Variants in ANP32B observed in about 807,000 individuals in gnomAD.
ANP32B encodes the protein acidic nuclear phosphoprotein 32 family member B.
ANP32B carries 6 observed loss-of-function variants against 32.2 expected under a neutral mutation model. The observed-to-expected ratio is 0.19, with a 90% confidence interval of 0.10 to 0.37. The LOEUF (loss-of-function observed/expected upper bound fraction) is 0.37, where lower values mean the gene tolerates loss of function less well. Among genes scored for constraint, ANP32B ranks in the 10% least tolerant of loss-of-function variants. The probability of loss-of-function intolerance (pLI) is 1.00; values close to 1 mark genes in which losing one functional copy is unlikely to be tolerated. For missense variants in ANP32B, 204 were observed against 289.2 expected, an observed-to-expected ratio of 0.71 and a Z score of 2.14; for synonymous variants, 98 against 105.8, an observed-to-expected ratio of 0.93 and a Z score of 0.45.
rs1324023321 is a variant in ANP32B, at chr9:98,005,128, T to C, written c.492T>C (p.Gly164=). 2 of 1,612,508 alleles carry C rather than the reference T, an allele frequency of 1.2e-6. No homozygotes were observed. The highest frequency in any genetic ancestry group is 3.3e-5 in the Admixed American group (2 of 59,802). The change falls in exon 4 of 7, where the codon GGT becomes GGC. Residue 164 remains glycine (G), a synonymous_variant. Transcript: ENST00000339399. The part of the protein sequence containing the change: ...EAPDSDAEVD[G]VDEEEEDEEG... ...CTGACTCAGATGCCGAGGTGGATGG[T>C]GTGGATGAAGAGGAGGAGGACGAAG...
chr9:98,011,410 C>A, intron 5 of ANP32B, 21 bp downstream of exon 5: 1 of 1,573,988 alleles, frequency 6.4e-7, no homozygotes, highest in Non-Finnish European at 8.6e-7. Flanking sequence ...CTGTTTTCTA[C>A]CCTGCTTCCT....
At chr9:97,994,894 G>A in intron 2 of ANP32B, 114 bp downstream of exon 2, 1 of 1,000,822 alleles carries the variant, frequency 1.0e-6, no homozygotes, top group Middle Eastern at 2.2e-4. Flanking sequence ...TTTGGAACTG[G>A]GCAGATATGG....
At chr9:97,989,167 T>C (rs1321462022) in intron 1 of ANP32B, among the ~76,000 whole-genome samples, 3 of 152,228 alleles carry the variant, frequency 2.0e-5, no homozygotes, top group Admixed American at 6.5e-5. Flanking sequence ...AAGGACCTCA[T>C]AGGCATTTTG....
chr9:97,983,639 C>A, intron 1 of ANP32B, 30 bp downstream of exon 1: 2 of 1,522,134 alleles, frequency 1.3e-6, no homozygotes, highest in South Asian at 1.2e-5. Context: ...GGTGCCCTCT[C>A]CCCCGATGAC....
intron 4 of ANP32B, among the ~76,000 whole-genome samples, chr9:98,007,481 T>C (rs1341467957): frequency 6.6e-6 from 1 of 152,226 alleles, no homozygotes; most frequent in Non-Finnish European, 1.5e-5. Flanking sequence ...CAATGCTTGT[T>C]TTTGTGCAAT....
At chr9:98,001,155 C>T (rs905391938) in intron 3 of ANP32B, among the ~76,000 whole-genome samples, 2 of 151,280 alleles carry the variant, frequency 1.3e-5, no homozygotes, top group African/African-American at 2.4e-5. Context: ...CATAAGAAAC[C>T]CTTCTCCCCG....
chr9:97,994,490 A>G (rs1009997027), intron 1 of ANP32B, 141 bp from the exon 2 acceptor site: 8 of 708,074 alleles, frequency 1.1e-5, no homozygotes, highest in African/African-American at 1.8e-5. Flanking sequence ...TTATCTTTTT[A>G]TAACTATGAT....
intron 6 of ANP32B, among the ~76,000 whole-genome samples, chr9:98,014,126 G>A (rs539213381): frequency 2.8e-4 from 42 of 152,146 alleles, no homozygotes; most frequent in Non-Finnish European, 5.6e-4. Flanking sequence ...ATATTACCCT[G>A]GTTAGGACCT....
At chr9:98,009,347 A>C (rs975959400) in intron 4 of ANP32B, among the ~76,000 whole-genome samples, 1 of 152,062 alleles carries the variant, frequency 6.6e-6, no homozygotes, top group Non-Finnish European at 1.5e-5. Context: ...ATTCTCAGTC[A>C]CTCTTAGAAT....
At chr9:98,001,831 G>A (rs1827997562) in intron 3 of ANP32B, among the ~76,000 whole-genome samples, 1 of 151,900 alleles carries the variant, frequency 6.6e-6, no homozygotes, top group African/African-American at 2.4e-5. Flanking sequence ...GGTGCTTTAT[G>A]CATGTTTTAT....
chr9:97,985,335 G>A (rs1181757908), intron 1 of ANP32B, among the ~76,000 whole-genome samples: 4 of 152,102 alleles, frequency 2.6e-5, no homozygotes, highest in Admixed American at 2.0e-4. Context: ...GGGGCGGGCC[G>A]GGCTCCACCG....
intron 5 of ANP32B, among the ~76,000 whole-genome samples, chr9:98,011,726 A>G (rs551129879): frequency 6.6e-6 from 1 of 152,312 alleles, no homozygotes; most frequent in African/African-American, 2.4e-5. Context: ...ATTGTAGGGA[A>G]GTTTATGTTT....
intron 1 of ANP32B, among the ~76,000 whole-genome samples, chr9:97,988,675 A>G (rs1827776692): frequency 6.6e-6 from 1 of 152,208 alleles, no homozygotes; most frequent in Non-Finnish European, 1.5e-5. Flanking sequence ...CAGTGAGCCA[A>G]GATAACACCA....
chr9:97,986,444 A>C (rs1827735889), intron 1 of ANP32B: 1 of 152,236 alleles, frequency 6.6e-6, no homozygotes, highest in Non-Finnish European at 1.5e-5. Flanking sequence ...GGAGACTGAG[A>C]CCAGTGGGAG....
chr9:97,990,913 C>T (rs1439187796), intron 1 of ANP32B, among the ~76,000 whole-genome samples: 5 of 148,448 alleles, frequency 3.4e-5, no homozygotes, highest in Non-Finnish European at 5.9e-5. Flanking sequence ...CTCCGCCTCG[C>T]GGGTTCAAGC....
At chr9:98,002,814 AT>A (rs1828015467) in intron 3 of ANP32B, among the ~76,000 whole-genome samples, 1 of 152,242 alleles carries the variant, frequency 6.6e-6, no homozygotes, top group African/African-American at 2.4e-5. Flanking sequence ...ATTAAAAAGC[AT>A]TAGATAAATA....
chr9:98,014,119 T>C (rs916944290), intron 6 of ANP32B, among the ~76,000 whole-genome samples: 1 of 152,172 alleles, frequency 6.6e-6, no homozygotes, highest in Admixed American at 6.5e-5. Context: ...ACACTAGATA[T>C]TACCCTGGTT....
At chr9:98,014,226 T>G (rs958379772) in intron 6 of ANP32B, among the ~76,000 whole-genome samples, 2 of 151,934 alleles carry the variant, frequency 1.3e-5, no homozygotes, top group African/African-American at 4.8e-5. Flanking sequence ...GCTAACACGG[T>G]GAAACCCCGT....
intron 2 of ANP32B, among the ~76,000 whole-genome samples, chr9:97,995,879 T>A (rs1827895472): frequency 7.2e-6 from 1 of 139,474 alleles, no homozygotes; most frequent in Non-Finnish European, 1.5e-5. Flanking sequence ...TGAGCCAAAA[T>A]CACACCGCTG....
Sources: gnomAD v4.1 joint callset for allele counts (sites outside exome capture counted in the v4.1 genomes callset) on GRCh38, gnomAD v4.1.1 for gene constraint, MANE v1.5 for transcripts, NCBI Gene and HGNC (gene_info 2026-07-23, HGNC 2026-07-21) for gene names.